Variants in ADAM22 observed in about 807,000 individuals in gnomAD.
The protein encoded by ADAM22 is ADAM metallopeptidase domain 22.
Under a neutral mutation model 144.6 loss-of-function variants are expected in ADAM22, and 65 were observed. The observed-to-expected ratio is 0.45, with a 90% confidence interval of 0.37 to 0.55. The LOEUF (loss-of-function observed/expected upper bound fraction) is 0.55, where lower values mean the gene tolerates loss of function less well. ADAM22 is among the 20% of genes least tolerant of loss of function. The pLI is 0.00. For missense variants in ADAM22, 974 were observed against 1,184.9 expected, an observed-to-expected ratio of 0.82 and a Z score of 2.61; for synonymous variants, 391 against 412.6, an observed-to-expected ratio of 0.95 and a Z score of 0.63.
chr7:88,046,659 C>A (rs1164469722), intron 3 of ADAM22, among the ~76,000 whole-genome samples: 1 of 152,128 alleles, frequency 6.6e-6, no homozygotes, highest in Non-Finnish European at 1.5e-5. Context: ...TATCAGGAAG[C>A]TTTTACCCTA....
At chr7:88,146,292 A>G (rs1836385538) in intron 17 of ADAM22, among the ~76,000 whole-genome samples, 1 of 152,210 alleles carries the variant, frequency 6.6e-6, no homozygotes. Context: ...TGAATGAATA[A>G]ATATGCACTC....
At chr7:88,099,443 C>T (rs1400176061) in intron 4 of ADAM22, among the ~76,000 whole-genome samples, 4 of 152,080 alleles carry the variant, frequency 2.6e-5, no homozygotes, top group Admixed American at 6.6e-5. Flanking sequence ...AAAGAAATTC[C>T]GAATTTAGGA....
chr7:88,130,397 C>T lies in ADAM22; in HGVS notation c.763C>T (p.His255Tyr), dbSNP rs1831468476. Residue 255 changes from histidine (H) to tyrosine (Y), a missense_variant, in exon 10 of 32, where the codon CAT (histidine) becomes TAT (tyrosine). This residue lies in a region of ADAM22 where 734 missense variants were observed against 950.6 expected (regional missense o/e 0.77). Transcript: ENST00000413139. ...TTTCTTTTGCTTTCAGTTTAAAAAA[C>T]ATCGGCTTTCCGTTGTACATACCAA... ...IVNDHLMFKK[H>Y]RLSVVHTNTY... 7 of 1,611,804 alleles carry T rather than the reference C, an allele frequency of 4.3e-6. No individual in the cohort carries two copies. Among genetic ancestry groups the T allele is most frequent in the Non-Finnish European group, 5.9e-6 (7 of 1,178,856 alleles).
chr7:87,998,347 G>T (rs1031476752), intron 3 of ADAM22, among the ~76,000 whole-genome samples: 6 of 152,098 alleles, frequency 3.9e-5, no homozygotes, highest in Non-Finnish European at 8.8e-5. Flanking sequence ...GGGCTCATGG[G>T]ATTACATTAG....
intron 27 of ADAM22, among the ~76,000 whole-genome samples, chr7:88,181,080 A>G (rs1311948057): frequency 6.6e-6 from 1 of 152,114 alleles, no homozygotes; most frequent in African/African-American, 2.4e-5. Context: ...TCTTTATGTA[A>G]TCTCTTGGAA....
chr7:88,158,724 C>A (rs1840708907), intron 22 of ADAM22, among the ~76,000 whole-genome samples: 1 of 151,898 alleles, frequency 6.6e-6, no homozygotes, highest in African/African-American at 2.4e-5. Context: ...AAAAAAGATA[C>A]AAAATACAAG....
intron 3 of ADAM22, among the ~76,000 whole-genome samples, chr7:88,029,010 G>C (rs1799647204): frequency 6.6e-6 from 1 of 151,832 alleles, no homozygotes; most frequent in Non-Finnish European, 1.5e-5. Flanking sequence ...TGGATACATA[G>C]TCAGTATATA....
intron 3 of ADAM22, among the ~76,000 whole-genome samples, chr7:87,981,841 A>G (rs1323167589): frequency 6.7e-6 from 1 of 148,668 alleles, no homozygotes; most frequent in Non-Finnish European, 1.5e-5. Context: ...GATGAGGATA[A>G]CATTATAATT....
At chr7:88,085,548 G>C (rs1214358608) in intron 4 of ADAM22, among the ~76,000 whole-genome samples, 1 of 152,050 alleles carries the variant, frequency 6.6e-6, no homozygotes, top group African/African-American at 2.4e-5. Flanking sequence ...AGACTGTCTT[G>C]AACAACAACA....
At chr7:88,106,778 G>A (rs1371778985) in intron 4 of ADAM22, among the ~76,000 whole-genome samples, 1 of 152,116 alleles carries the variant, frequency 6.6e-6, no homozygotes. Context: ...TGGGGCCTGA[G>A]ATTCTGCATT....
At chr7:88,100,240 CAT>C (rs1822548246) in intron 4 of ADAM22, among the ~76,000 whole-genome samples, 1 of 151,948 alleles carries the variant, frequency 6.6e-6, no homozygotes, top group Non-Finnish European at 1.5e-5. Context: ...AGGAAGTAAA[CAT>C]AGAACAAATG....
intron 7 of ADAM22, among the ~76,000 whole-genome samples, chr7:88,119,639 C>G (rs1020015552): frequency 5.3e-5 from 8 of 152,126 alleles, no homozygotes; most frequent in Non-Finnish European, 1.0e-4. Flanking sequence ...CAGGCATGCA[C>G]TATCATGCCT....
rs34957515 is a variant in ADAM22 at position 88,108,277 on chromosome 7, A to T, written c.473+19A>T. 6.3e-7 allele frequency: 1 copy of T among 1,598,876 alleles called. No individual in the cohort carries two copies. On this transcript the variant is annotated intron_variant, in intron 5 of 31. Coordinates refer to ENST00000413139, the MANE Select transcript of ADAM22 (RefSeq NM_001324418.2). ...GACTTCAGTAAGTGTTCAAAAAGTT[A>T]TTTTTACTGTTTGTTTTTTCAATAA...
intron 3 of ADAM22, among the ~76,000 whole-genome samples, chr7:88,052,424 C>T (rs888538030): frequency 2.6e-5 from 4 of 151,498 alleles, no homozygotes; most frequent in East Asian, 3.9e-4. Context: ...CAGGAGAACC[C>T]GGGAGGCGTA....
In ADAM22 at chr7:88,039,701, A is replaced by G. The variant is rs980216692; in HGVS notation, c.324-35925A>G. Among the ~76,000 whole-genome samples the G allele has an allele frequency of 4.0e-5, 6 of 151,334 alleles. 1 individual carries two copies. Among genetic ancestry groups the G allele is most frequent in the African/African-American group, 1.5e-4 (6 of 41,254 alleles). On this transcript the variant is annotated intron_variant, in intron 3 of 31. Coordinates refer to ENST00000413139, the MANE Select transcript of ADAM22 (RefSeq NM_001324418.2). Reference sequence around the variant, plus strand: ...TTTGGCATTTATTACGTATCTAAAAAGAGAAAGAATGAGCCACTTTTCTTT... The same window carrying G: ...TTTGGCATTTATTACGTATCTAAAAGGAGAAAGAATGAGCCACTTTTCTTT...
At chr7:88,042,361 A>G (rs921689478) in intron 3 of ADAM22, among the ~76,000 whole-genome samples, 2 of 152,010 alleles carry the variant, frequency 1.3e-5, no homozygotes, top group Non-Finnish European at 2.9e-5. Context: ...TTCATTTTCA[A>G]ATTGGTGGAT....
At chr7:88,012,159 T>C (rs903311867) in intron 3 of ADAM22, among the ~76,000 whole-genome samples, 3 of 152,168 alleles carry the variant, frequency 2.0e-5, no homozygotes, top group Non-Finnish European at 2.9e-5. Context: ...GCATTCTTCA[T>C]TTCTGTTAAC....
intron 3 of ADAM22, among the ~76,000 whole-genome samples, chr7:88,067,377 C>A (rs1316655027): frequency 6.6e-6 from 1 of 151,848 alleles, no homozygotes; most frequent in Non-Finnish European, 1.5e-5. Flanking sequence ...GGTATATCTC[C>A]TAATGCTAAC....
chr7:88,066,604 A>T (rs1811311720), intron 3 of ADAM22, among the ~76,000 whole-genome samples: 1 of 152,146 alleles, frequency 6.6e-6, no homozygotes, highest in African/African-American at 2.4e-5. Context: ...TATCCTGTAT[A>T]ATTAATTAAG....
Sources: gnomAD v4.1 joint callset for allele counts (sites outside exome capture counted in the v4.1 genomes callset) on GRCh38, gnomAD v4.1.1 for gene constraint, gnomAD v4.1.1 regional missense constraint, MANE v1.5 for transcripts, NCBI Gene and HGNC (gene_info 2026-07-23, HGNC 2026-07-21) for gene names.